The following WDR7 variants were observed in gnomAD, a reference collection of about 807,000 sequenced individuals.
WDR7 encodes the protein WD repeat-containing protein 7.
WDR7 carries 46 observed loss-of-function variants against 169.4 expected under a neutral mutation model. That is an observed-to-expected ratio of 0.27 (90% confidence interval 0.21 to 0.35). The LOEUF (loss-of-function observed/expected upper bound fraction) is 0.35. Ranked by LOEUF, WDR7 falls within the 10% of genes least tolerant of loss-of-function variation. WDR7 has a pLI of 1.00. For synonymous variants in WDR7, 612 were observed against 666.8 expected (o/e 0.92, Z 1.27); for missense variants, 1,534 against 1,859.3 (o/e 0.83, Z 3.22).
At chr18:56,886,106 C>G (rs2046189158) in intron 21 of WDR7, among the ~76,000 whole-genome samples, 1 of 152,110 alleles carries the variant, frequency 6.6e-6, no homozygotes, top group African/African-American at 2.4e-5. Context: ...GAGATCTAGA[C>G]ATCCAAATAC....
chr18:56,692,171 G>A (rs28637310), intron 9 of WDR7, among the ~76,000 whole-genome samples: 2,173 of 152,198 alleles, frequency 0.014, 43 homozygotes, highest in African/African-American at 0.048. Context: ...AGCACACATA[G>A]TTATGTAATA....
chr18:56,977,633 A>G (rs1006069163), intron 26 of WDR7, among the ~76,000 whole-genome samples: 30 of 152,264 alleles, frequency 2.0e-4, no homozygotes, highest in African/African-American at 6.8e-4. Flanking sequence ...CTCCTGCTTT[A>G]AAGTATCATC....
intron 26 of WDR7, among the ~76,000 whole-genome samples, chr18:56,970,515 A>G (rs2047468988): frequency 6.6e-6 from 1 of 152,226 alleles, no homozygotes; most frequent in South Asian, 2.1e-4. Context: ...TTTATTTAAC[A>G]TACTTTTTTA....
intron 1 of WDR7, among the ~76,000 whole-genome samples, chr18:56,660,547 A>G (rs78144533): frequency 0.014 from 2,181 of 152,190 alleles, 42 homozygotes; most frequent in African/African-American, 0.048. Flanking sequence ...AGGATACTCA[A>G]CCTATAGATG....
At chr18:56,875,154 G>A (rs767905379) in intron 20 of WDR7, among the ~76,000 whole-genome samples, 1 of 152,284 alleles carries the variant, frequency 6.6e-6, no homozygotes, top group East Asian at 1.9e-4. Flanking sequence ...TGGAAAGGCT[G>A]TATCTACTTT....
At chr18:56,725,355 T>C (rs1309870372) in intron 13 of WDR7, among the ~76,000 whole-genome samples, 2 of 151,502 alleles carry the variant, frequency 1.3e-5, no homozygotes, top group African/African-American at 4.9e-5. Context: ...CTAACTGGTG[T>C]GAGATGGTAT....
intron 26 of WDR7, among the ~76,000 whole-genome samples, chr18:56,983,282 C>T (rs940663741): frequency 3.9e-5 from 6 of 152,088 alleles, no homozygotes; most frequent in African/African-American, 1.4e-4. Context: ...GTAAAAGTGG[C>T]GTTTTCATGA....
At chr18:57,012,696 A>G (rs1182363203) in intron 26 of WDR7, among the ~76,000 whole-genome samples, 1 of 152,214 alleles carries the variant, frequency 6.6e-6, no homozygotes, top group Admixed American at 6.5e-5. Flanking sequence ...GTGTTAGTGT[A>G]TAATATACAT....
chr18:56,856,059 G>C (rs1568233100), intron 20 of WDR7, among the ~76,000 whole-genome samples: 1 of 152,144 alleles, frequency 6.6e-6, no homozygotes, highest in Non-Finnish European at 1.5e-5. Flanking sequence ...AGAAGCCAGG[G>C]GAGCGCAGGG....
chr18:56,779,663 T>A, intron 18 of WDR7, 114 bp downstream of exon 18: 1 of 759,156 alleles, frequency 1.3e-6, no homozygotes, highest in Non-Finnish European at 2.1e-6. Flanking sequence ...GTTCATTATG[T>A]GATAGAAAAT....
At chr18:56,718,187 A>G (rs2026235143) in intron 13 of WDR7, 28 bp downstream of exon 13, 2 of 1,463,178 alleles carry the variant, frequency 1.4e-6, no homozygotes, top group South Asian at 1.6e-5. Context: ...GAGATACTAT[A>G]GAAAATTAAA....
At chr18:56,913,867 A>G (rs1171154978) in intron 21 of WDR7, among the ~76,000 whole-genome samples, 1 of 152,126 alleles carries the variant, frequency 6.6e-6, no homozygotes, top group African/African-American at 2.4e-5. Flanking sequence ...CAACCCCAGC[A>G]TTCTGTCTTG....
chr18:56,700,841 T>G (rs1363744758), intron 12 of WDR7, among the ~76,000 whole-genome samples: 2 of 152,156 alleles, frequency 1.3e-5, no homozygotes, highest in African/African-American at 4.8e-5. Flanking sequence ...AGTGCTGGGA[T>G]TACAGGCCCA....
At chr18:56,999,269 G>T (rs1161249928) in intron 26 of WDR7, among the ~76,000 whole-genome samples, 2 of 152,166 alleles carry the variant, frequency 1.3e-5, no homozygotes, top group African/African-American at 4.8e-5. Flanking sequence ...AAGAAGCCTG[G>T]TGAAGAATTT....
chr18:56,780,201 C>T (rs2044295907), intron 18 of WDR7, among the ~76,000 whole-genome samples: 1 of 152,080 alleles, frequency 6.6e-6, no homozygotes, highest in Non-Finnish European at 1.5e-5. Context: ...TGTTAATGGC[C>T]TTATTCTATA....
intron 16 of WDR7, among the ~76,000 whole-genome samples, chr18:56,762,090 A>G (rs1030957647): frequency 6.6e-6 from 1 of 152,096 alleles, no homozygotes; most frequent in Admixed American, 6.5e-5. Context: ...GTATTGATTG[A>G]GATGATTGTA....
chr18:56,855,416 ATCTTT>A (rs1214689615), intron 20 of WDR7, among the ~76,000 whole-genome samples: 1 of 152,120 alleles, frequency 6.6e-6, no homozygotes, highest in Non-Finnish European at 1.5e-5. Context: ...GAATTTATTC[ATCTTT>A]TCTTTTATGG....
chr18:56,797,091 G>C (rs1381658547), intron 19 of WDR7, among the ~76,000 whole-genome samples: 2 of 152,140 alleles, frequency 1.3e-5, no homozygotes, highest in Non-Finnish European at 1.5e-5. Context: ...AGGTGCATCA[G>C]CTCTGCTTCG....
At chr18:57,011,390 C>T (rs942348366) in intron 26 of WDR7, among the ~76,000 whole-genome samples, 1 of 149,750 alleles carries the variant, frequency 6.7e-6, no homozygotes, top group Non-Finnish European at 1.5e-5. Flanking sequence ...AGCCTGTTTA[C>T]TTGAGGCATT....
Sources: gnomAD v4.1 joint callset for allele counts (sites outside exome capture counted in the v4.1 genomes callset) on GRCh38, gnomAD v4.1.1 for gene constraint, MANE v1.5 for transcripts, NCBI Gene and HGNC (gene_info 2026-07-23, HGNC 2026-07-21) for gene names.